Variants in EPS15L1 observed in about 807,000 individuals in gnomAD.
EPS15L1 encodes epidermal growth factor receptor substrate 15-like 1.
A neutral mutation model predicts 117.1 loss-of-function variants in EPS15L1; 43 were observed. That is an observed-to-expected ratio of 0.37 (90% CI 0.29 to 0.47). The LOEUF (loss-of-function observed/expected upper bound fraction) is 0.47, where lower values mean the gene tolerates loss of function less well. Among genes scored for constraint, EPS15L1 ranks in the 20% least tolerant of loss-of-function variants. The pLI, the probability that EPS15L1 is intolerant of heterozygous loss-of-function variation, is 0.99. For missense variants in EPS15L1, 981 were observed against 1,164.0 expected (o/e 0.84, Z 2.29); for synonymous variants, 459 against 470.5 (o/e 0.98, Z 0.32).
In EPS15L1 at chr19:16,381,822, G is replaced by C. The variant is rs561395185; in HGVS notation, c.2247+3307C>G. Among the ~76,000 whole-genome samples the C allele has an allele frequency of 6.6e-6, 1 of 152,216 alleles. No individual in the cohort carries two copies. Among genetic ancestry groups the C allele is most frequent in the Non-Finnish European group, 1.5e-5 (1 of 68,034 alleles). ...TTCATGGAACATGTCCCTGGGCCTA[G>C]GGCCCGTGCGAGTCCCCCGCGGCCT... On this transcript the variant is annotated intron_variant, in intron 21 of 23. Transcript: ENST00000455140. This position sits in a 1 kb window ranked among gnomAD's most constrained non-coding sequence, Gnocchi z 4.2.
Position 16,355,432 on chromosome 19 carries a change from C to T in EPS15L1, c.*273G>A. 2.3e-6 allele frequency: 1 copy of T among 431,568 alleles called. No individual in the cohort carries two copies. Among genetic ancestry groups the T allele is most frequent in the South Asian group, 4.9e-5 (1 of 20,580 alleles). The allele number at this position is 431,568 out of a possible 1,614,324, so 26.7% of individuals were successfully genotyped here. ...CTCGACTGACCGCTGTGTGTTCGTCCCCAGAGGAAGAGCGGGAGGCAGTCA... is the reference window on the plus strand; with the variant it reads ...CTCGACTGACCGCTGTGTGTTCGTCTCCAGAGGAAGAGCGGGAGGCAGTCA... On this transcript the variant is annotated 3_prime_UTR_variant, in exon 24 of 24. Transcript: ENST00000455140.
chr19:16,370,618 AC>A lies in EPS15L1; in HGVS notation c.2380+6503del, dbSNP rs1227720433. Among the ~76,000 whole-genome samples, 1 of 152,230 alleles carries A rather than the reference AC, an allele frequency of 6.6e-6. No homozygotes were observed. The highest frequency in any genetic ancestry group is 2.4e-5 in the African/African-American group (1 of 41,462). On this transcript the variant is annotated intron_variant, in intron 22 of 23. Transcript: ENST00000455140. This position sits in a 1 kb window ranked among gnomAD's most constrained non-coding sequence, Gnocchi z 5.2. Reference sequence around the variant, plus strand: ...ACACTCCCTGGATCCGCCTCTGGGTACAGTGTGCCCAGGAAGGCAAATGCTT... The same window carrying A: ...ACACTCCCTGGATCCGCCTCTGGGTAAGTGTGCCCAGGAAGGCAAATGCTT...
chr19:16,416,336 C>T (rs1012752898), intron 12 of EPS15L1, among the ~76,000 whole-genome samples: 1 of 152,022 alleles, frequency 6.6e-6, no homozygotes, highest in Admixed American at 6.6e-5. Context: ...GTCCTAGAAT[C>T]GACTGGAAAA....
chr19:16,454,777 G>A (rs1046723483), intron 1 of EPS15L1, among the ~76,000 whole-genome samples: 3 of 152,086 alleles, frequency 2.0e-5, no homozygotes, highest in African/African-American at 7.2e-5. Context: ...GACCAGGAAG[G>A]TCGTCAGAAC....
rs552223701 is a variant in EPS15L1 at position 16,383,115 on chromosome 19, T to C, written c.2247+2014A>G. 6.6e-6 allele frequency: 1 copy of C among 152,280 alleles called. No homozygotes were observed. The highest frequency in any genetic ancestry group is 1.9e-4 in the East Asian group (1 of 5,180). 9.4% of individuals were successfully genotyped at this position (152,280 alleles called of 1,614,324 possible). On this transcript the variant is annotated intron_variant, in intron 21 of 23. Transcript: ENST00000455140. The surrounding 1 kb of genome is among the most constrained non-coding windows in gnomAD (Gnocchi z 5.2). Reference sequence around the variant, plus strand: ...TCAGAATGCGGCTGTACAAGTGTCATGAAGGCAGCTGATGGAACGCTGGAA... The same window carrying C: ...TCAGAATGCGGCTGTACAAGTGTCACGAAGGCAGCTGATGGAACGCTGGAA...
intron 1 of EPS15L1, among the ~76,000 whole-genome samples, chr19:16,456,943 G>C (rs1183288123): frequency 6.6e-6 from 1 of 152,104 alleles, no homozygotes; most frequent in Non-Finnish European, 1.5e-5. Context: ...GTCATCCCCA[G>C]GGCAAGCAGA....
At chr19:16,415,820 G>A (rs1302841404) in intron 12 of EPS15L1, among the ~76,000 whole-genome samples, 1 of 152,188 alleles carries the variant, frequency 6.6e-6, no homozygotes, top group Non-Finnish European at 1.5e-5. Flanking sequence ...ACCCTTGCAC[G>A]ACAGGGGCTC....
Position 16,403,736 on chromosome 19 carries a change from G to A in EPS15L1, c.1623C>T (p.Asn541=). ...GGGACCCGACTCCGTGAAGTACCTG[G>A]TTGATTTCGTCTTGCGTTGACTTCA... ...KSLKSTQDEI[N]QARSKLSQLH... Residue 541 remains asparagine, a synonymous_variant, in exon 15 of 24, where the codon AAC becomes AAT. Transcript: ENST00000455140. 1 of 1,612,210 alleles carries A rather than the reference G, an allele frequency of 6.2e-7. No individual in the cohort carries two copies. Among genetic ancestry groups the A allele is most frequent in the Non-Finnish European group, 8.5e-7 (1 of 1,179,976 alleles).
rs897082109 is a variant in EPS15L1, at chr19:16,412,725, G to C, written c.1266+1048C>G. 6.2e-4 allele frequency: 95 copies of C among 154,268 alleles called. 3 individuals are homozygous for C. Among genetic ancestry groups the C allele is most frequent in the South Asian group, 3.0e-3 (27 of 8,954 alleles). The allele number at this position is 154,268 out of a possible 1,614,324, so 9.6% of individuals were successfully genotyped here. On this transcript the variant is annotated intron_variant, in intron 13 of 23. Coordinates refer to ENST00000455140, the MANE Select transcript of EPS15L1 (RefSeq NM_001258374.3). ...GTGCAGCGGGGGGTGGGGGGGGGGG[G>C]GGTGTCAGAGGCCCTGGGATGGGCA...
At position 16,434,387 on chromosome 19, in the gene EPS15L1, A is replaced by T. The variant is rs775615743; in HGVS notation, c.476T>A (p.Leu159Gln). The change falls in exon 7 of 24, where the codon CTG becomes CAG. Residue 159 changes from leucine to glutamine, a missense_variant. Leu to Gln is a moderately radical substitution (Grantham distance 113). Coordinates refer to ENST00000455140, the MANE Select transcript of EPS15L1 (RefSeq NM_001258374.3). Reference sequence around the variant, plus strand: ...TACCCTGCCCAGGACATCAAGAGGCAGCTTTGAGTTCATGAGGACTGGCTT... The same window carrying T: ...TACCCTGCCCAGGACATCAAGAGGCTGCTTTGAGTTCATGAGGACTGGCTT... ...KVKPVLMNSK[L>Q]PLDVLGRVWD... is the part of the protein sequence containing the mutation. 5.6e-6 allele frequency: 9 copies of T among 1,614,094 alleles called. No individual in the cohort carries two copies.
At chr19:16,462,254 C>T (rs2093260282) in intron 1 of EPS15L1, among the ~76,000 whole-genome samples, 1 of 152,188 alleles carries the variant, frequency 6.6e-6, no homozygotes, top group Non-Finnish European at 1.5e-5. Flanking sequence ...CCAAATCTCT[C>T]CCCAGGGCCC....
At chr19:16,401,218 C>G in intron 16 of EPS15L1, 8 of 985,502 alleles carry the variant, frequency 8.1e-6, no homozygotes, top group Non-Finnish European at 9.6e-6. Flanking sequence ...GGGGGCCAGA[C>G]ACAAGAGACA....
chr19:16,408,525 G>A (rs1220869185), intron 13 of EPS15L1, among the ~76,000 whole-genome samples: 1 of 151,754 alleles, frequency 6.6e-6, no homozygotes, highest in African/African-American at 2.4e-5. Context: ...CTGGGTGTGG[G>A]GGCACGCATC....
At chr19:16,400,817 G>A (rs901069302) in intron 16 of EPS15L1, 1 of 985,254 alleles carries the variant, frequency 1.0e-6, no homozygotes, top group African/African-American at 1.7e-5. Context: ...TTGGAGTTGG[G>A]GGAATCACTG....
chr19:16,374,872 T>C (rs1467143810), intron 22 of EPS15L1, among the ~76,000 whole-genome samples: 1 of 152,100 alleles, frequency 6.6e-6, no homozygotes, highest in African/African-American at 2.4e-5. Context: ...CGCACGCATA[T>C]GTGTGTGCAC....
At chr19:16,397,009 A>G (rs2092547598) in intron 16 of EPS15L1, among the ~76,000 whole-genome samples, 1 of 152,176 alleles carries the variant, frequency 6.6e-6, no homozygotes, top group African/African-American at 2.4e-5. Context: ...GGGTTCCACA[A>G]CAATGTGAAT....
At chr19:16,468,448 C>T (rs187196642) in intron 1 of EPS15L1, among the ~76,000 whole-genome samples, 18 of 152,250 alleles carry the variant, frequency 1.2e-4, no homozygotes, top group Admixed American at 6.5e-4. Flanking sequence ...TGGTTTCAAG[C>T]GATTCTTGTG....
intron 21 of EPS15L1, 42 bp from the exon 22 acceptor site, chr19:16,377,296 A>C: frequency 6.2e-7 from 1 of 1,607,172 alleles, no homozygotes; most frequent in Non-Finnish European, 8.5e-7. Context: ...ATAGTTGTTA[A>C]AACAAAGGTG....
intron 7 of EPS15L1, among the ~76,000 whole-genome samples, chr19:16,431,223 C>T (rs1014502859): frequency 2.1e-5 from 3 of 145,196 alleles, no homozygotes; most frequent in African/African-American, 7.7e-5. Flanking sequence ...TCGGTGACAG[C>T]GAGACTTCAT....
Sources: allele counts gnomAD v4.1 joint callset (sites outside exome capture counted in the v4.1 genomes callset), GRCh38; gene constraint gnomAD v4.1.1; non-coding constraint Gnocchi (gnomAD v3.1); transcripts MANE v1.5; gene names NCBI Gene and HGNC (gene_info 2026-07-23, HGNC 2026-07-21).